Variants in PLCB1 observed in about 807,000 individuals in gnomAD.
PLCB1 encodes the protein 1-phosphatidylinositol 4,5-bisphosphate phosphodiesterase beta-1.
PLCB1 carries 46 observed loss-of-function variants against 161.8 expected under a neutral mutation model. That is an observed-to-expected ratio of 0.28 (90% confidence interval 0.22 to 0.36). PLCB1 has a LOEUF of 0.36. Ranked by LOEUF, PLCB1 falls within the 10% of genes least tolerant of loss-of-function variation. PLCB1 has a pLI of 1.00. For missense variants in PLCB1, 1,016 were observed against 1,472.5 expected (o/e 0.69, Z 5.07); for synonymous variants, 517 against 503.7 (o/e 1.03, Z -0.35).
intron 2 of PLCB1, among the ~76,000 whole-genome samples, chr20:8,230,879 C>T (rs1979991092): frequency 6.6e-6 from 1 of 152,090 alleles, no homozygotes. Context: ...GAACTACCCC[C>T]TGCCTACCTC....
At chr20:8,188,071 C>T (rs562332953) in intron 2 of PLCB1, among the ~76,000 whole-genome samples, 1 of 152,166 alleles carries the variant, frequency 6.6e-6, no homozygotes, top group East Asian at 1.9e-4. Context: ...AGCTTCACGT[C>T]AAGCTTTGTC....
At chr20:8,775,202 A>G (rs1982888623) in intron 27 of PLCB1, among the ~76,000 whole-genome samples, 1 of 151,934 alleles carries the variant, frequency 6.6e-6, no homozygotes, top group Admixed American at 6.6e-5. Context: ...TGGCTACCCA[A>G]TTCATAAGGC....
chr20:8,154,597 A>G (rs6055579), intron 2 of PLCB1, among the ~76,000 whole-genome samples: 1,813 of 152,294 alleles, frequency 0.012, 41 homozygotes, highest in African/African-American at 0.041. Flanking sequence ...CTTAAGCCCA[A>G]CCAACAGTAA....
intron 3 of PLCB1, among the ~76,000 whole-genome samples, chr20:8,617,749 T>C (rs1988074249): frequency 6.6e-6 from 1 of 152,196 alleles, no homozygotes; most frequent in Admixed American, 6.5e-5. Context: ...CGAAGTGGAA[T>C]TGTGAATCTT....
At chr20:8,738,790 A>G (rs1258910472) in intron 20 of PLCB1, among the ~76,000 whole-genome samples, 4 of 152,296 alleles carry the variant, frequency 2.6e-5, no homozygotes, top group African/African-American at 9.6e-5. Context: ...CTGAAAATGA[A>G]ATTTATAGGG....
intron 2 of PLCB1, among the ~76,000 whole-genome samples, chr20:8,248,000 A>G (rs915810965): frequency 1.3e-5 from 2 of 151,878 alleles, no homozygotes; most frequent in African/African-American, 4.8e-5. Flanking sequence ...CCAGCTGATA[A>G]ACTAGTCCTC....
chr20:8,607,404 T>A (rs1987787450), intron 3 of PLCB1, among the ~76,000 whole-genome samples: 1 of 152,162 alleles, frequency 6.6e-6, no homozygotes, highest in Non-Finnish European at 1.5e-5. Context: ...ACTCCATCCC[T>A]CTAAGAGCCC....
rs764421116 is a variant in PLCB1 at position 8,757,027 on chromosome 20, AG to A, written c.2524-17del. 7.6e-6 allele frequency: 12 copies of A among 1,571,390 alleles called. No homozygotes were observed. Among genetic ancestry groups the A allele is most frequent in the Non-Finnish European group, 4.3e-6 (5 of 1,158,952 alleles). On this transcript the variant is annotated intron_variant, in intron 23 of 31. Transcript: ENST00000338037. ...AATAAAAAGAAATGTGGAAAATGAA[AG>A]GATATTTATAATTTTAGGCTGATCC...
At chr20:8,239,405 C>T (rs2123200576) in intron 2 of PLCB1, among the ~76,000 whole-genome samples, 1 of 152,082 alleles carries the variant, frequency 6.6e-6, no homozygotes, top group Middle Eastern at 3.4e-3. Context: ...TTTGTAAAGT[C>T]ACCATCCGGT....
chr20:8,813,652 A>G (rs1984940946), intron 31 of PLCB1, among the ~76,000 whole-genome samples: 1 of 152,142 alleles, frequency 6.6e-6, no homozygotes, highest in African/African-American at 2.4e-5. Flanking sequence ...CAAGATAGTG[A>G]GACCCTATCT....
intron 7 of PLCB1, among the ~76,000 whole-genome samples, chr20:8,654,906 T>C (rs1989415159): frequency 6.6e-6 from 1 of 152,060 alleles, no homozygotes; most frequent in Admixed American, 6.6e-5. Flanking sequence ...ATCTCAGCAT[T>C]TAATGATGCT....
chr20:8,789,602 T>A (rs759318296), intron 30 of PLCB1, 27 bp downstream of exon 30: 1 of 1,541,498 alleles, frequency 6.5e-7, no homozygotes. Context: ...CGCTCTCTCC[T>A]TTGCAAAACA....
At chr20:8,674,552 G>A (rs1990029740) in intron 9 of PLCB1, among the ~76,000 whole-genome samples, 2 of 152,166 alleles carry the variant, frequency 1.3e-5, no homozygotes, top group Admixed American at 1.3e-4. Context: ...CCACCCTTGA[G>A]TGGACCGAGG....
At position 8,242,670 on chromosome 20, in the gene PLCB1, G is replaced by A. The variant is rs1192670682; in HGVS notation, c.177+92299G>A. ...GACTTAGAGAGAAAAGAGAGGAATGGCAATTGCTGAGGATGCAAGAAGTTA... is the reference window on the plus strand; with the variant it reads ...GACTTAGAGAGAAAAGAGAGGAATGACAATTGCTGAGGATGCAAGAAGTTA... On this transcript the variant is annotated intron_variant, in intron 2 of 31. Coordinates refer to ENST00000338037, the MANE Select transcript of PLCB1 (RefSeq NM_015192.4). Among the ~76,000 whole-genome samples the A allele has an allele frequency of 2.6e-5, 4 of 151,922 alleles. No individual in the cohort carries two copies. The East Asian group carries it at 5.8e-4, about 22-fold the overall frequency.
At chr20:8,732,082 C>T (rs572757824) in intron 18 of PLCB1, 4 of 152,066 alleles carry the variant, frequency 2.6e-5, no homozygotes, top group Middle Eastern at 3.4e-3. Flanking sequence ...TATGTGTGAA[C>T]GTTCATCTGA....
chr20:8,297,828 C>T (rs1240385126), intron 2 of PLCB1, among the ~76,000 whole-genome samples: 1 of 151,844 alleles, frequency 6.6e-6, no homozygotes, highest in Non-Finnish European at 1.5e-5. Flanking sequence ...CTAGAGAGGC[C>T]ACCTTCAATT....
chr20:8,508,078 A>T (rs1012090673), intron 3 of PLCB1, among the ~76,000 whole-genome samples: 13 of 152,112 alleles, frequency 8.5e-5, no homozygotes, highest in African/African-American at 3.1e-4. Flanking sequence ...AGTCAGGAGG[A>T]CATGGGGTTG....
At chr20:8,509,214 G>T (rs1178044702) in intron 3 of PLCB1, among the ~76,000 whole-genome samples, 1 of 152,108 alleles carries the variant, frequency 6.6e-6, no homozygotes, top group Non-Finnish European at 1.5e-5. Flanking sequence ...GGGGCTTTGT[G>T]TTGTATGCTA....
chr20:8,877,803 A>G (rs2056934468), intron 31 of PLCB1, among the ~76,000 whole-genome samples: 2 of 152,254 alleles, frequency 1.3e-5, no homozygotes, highest in African/African-American at 4.8e-5. Context: ...TAGTTCATTA[A>G]TAATTGTATG....
Sources: allele counts gnomAD v4.1 joint callset (sites outside exome capture counted in the v4.1 genomes callset), GRCh38; gene constraint gnomAD v4.1.1; transcripts MANE v1.5; gene names NCBI Gene and HGNC (gene_info 2026-07-23, HGNC 2026-07-21).